Variants in GRXCR1 observed in about 807,000 individuals in gnomAD.
GRXCR1 encodes the protein glutaredoxin domain-containing cysteine-rich protein 1.
Under a neutral mutation model 27.3 loss-of-function variants are expected in GRXCR1, and 27 were observed. The ratio of observed to expected loss-of-function variants is 0.99; its 90% CI spans 0.73 to 1.37. The LOEUF is 1.37. Ranked by LOEUF, GRXCR1 falls within the 40% of genes most tolerant of loss-of-function variation. The pLI, the probability that GRXCR1 is intolerant of heterozygous loss-of-function variation, is 0.00. For missense variants in GRXCR1, 379 were observed against 354.4 expected (o/e 1.07, Z -0.56); for synonymous variants, 122 against 131.1 (o/e 0.93, Z 0.47).
chr4:43,021,977 T>C (rs1355098240), intron 3 of GRXCR1, among the ~76,000 whole-genome samples: 1 of 152,200 alleles, frequency 6.6e-6, no homozygotes, highest in Non-Finnish European at 1.5e-5. Context: ...GATTTCTTTA[T>C]CTATTAAATC....
chr4:42,934,621 T>C (rs1436075921), intron 1 of GRXCR1, among the ~76,000 whole-genome samples: 1 of 151,960 alleles, frequency 6.6e-6, no homozygotes, highest in Non-Finnish European at 1.5e-5. Context: ...TATCATGAAA[T>C]AGAGTGCTTT....
At chr4:42,900,871 G>A (rs543693983) in intron 1 of GRXCR1, among the ~76,000 whole-genome samples, 19 of 152,246 alleles carry the variant, frequency 1.2e-4, no homozygotes, top group African/African-American at 4.1e-4. Flanking sequence ...CTGCTCATGA[G>A]GGTCCCAGAA....
At chr4:42,947,514 A>G (rs1240439672) in intron 1 of GRXCR1, among the ~76,000 whole-genome samples, 2 of 152,190 alleles carry the variant, frequency 1.3e-5, no homozygotes, top group African/African-American at 4.8e-5. Context: ...ACTTCATTCA[A>G]TGATTGCTTT....
At position 42,962,753 on chromosome 4, in the gene GRXCR1, A is replaced by G. The variant is rs1247106321; in HGVS notation, c.385-139A>G. ...TCCCAATTACAGATGTTGTAACTTA[A>G]AAAGGTAAGTCTTTGAATTGACAAA... is the stretch of plus-strand genomic sequence containing the variant. On this transcript the variant is annotated intron_variant, in intron 1 of 3. Coordinates refer to ENST00000399770, the MANE Select transcript of GRXCR1 (RefSeq NM_001080476.3). 14 of 888,270 alleles carry G rather than the reference A, an allele frequency of 1.6e-5. No individual in the cohort carries two copies. In the East Asian group the frequency reaches 3.2e-4, roughly 20 times the overall value. The allele number at this position is 888,270 out of a possible 1,614,324, so 55.0% of individuals were successfully genotyped here. A position where few individuals can be genotyped will look rare whatever the true frequency, so the allele number is the denominator to read the frequency against.
intron 1 of GRXCR1, among the ~76,000 whole-genome samples, chr4:42,931,748 C>A (rs1747315284): frequency 1.3e-5 from 2 of 151,930 alleles, no homozygotes; most frequent in African/African-American, 4.8e-5. Context: ...CATGTAAAAC[C>A]TATTCCCTTA....
intron 1 of GRXCR1, among the ~76,000 whole-genome samples, chr4:42,953,896 T>C (rs1052703526): frequency 2.6e-5 from 4 of 152,014 alleles, no homozygotes; most frequent in Non-Finnish European, 5.9e-5. Flanking sequence ...CATTCAAACC[T>C]CACAAATCCC....
At chr4:42,992,131 A>T (rs888593301) in intron 2 of GRXCR1, among the ~76,000 whole-genome samples, 8 of 152,112 alleles carry the variant, frequency 5.3e-5, no homozygotes, top group African/African-American at 1.9e-4. Context: ...TGGGAAATCT[A>T]GTGGTGATGG....
At chr4:42,942,572 C>A (rs1747648965) in intron 1 of GRXCR1, among the ~76,000 whole-genome samples, 1 of 152,070 alleles carries the variant, frequency 6.6e-6, no homozygotes, top group African/African-American at 2.4e-5. Context: ...ATGGTGAAAA[C>A]ACTGCAAGCC....
chr4:42,990,346 T>C (rs1012021953), intron 2 of GRXCR1, among the ~76,000 whole-genome samples: 3 of 150,332 alleles, frequency 2.0e-5, no homozygotes, highest in East Asian at 2.0e-4. Context: ...CGCCCGCCAC[T>C]ACGCCCGGCT....
intron 3 of GRXCR1, among the ~76,000 whole-genome samples, chr4:43,028,712 T>A (rs1308563137): frequency 1.3e-5 from 2 of 152,314 alleles, no homozygotes; most frequent in East Asian, 3.9e-4. Context: ...TTACTCAAAG[T>A]TTTTCTTTTT....
At position 42,980,961 on chromosome 4, in the gene GRXCR1, T is replaced by G. The variant is rs575623756; in HGVS notation, c.627+17827T>G. Among the ~76,000 whole-genome samples the G allele has an allele frequency of 2.7e-4, 36 of 132,252 alleles. No individual in the cohort carries two copies. In the South Asian group the frequency reaches 5.4e-3, roughly 20 times the overall value. The allele number at this position is 132,252 out of a possible 152,430, so 86.8% of individuals were successfully genotyped here. On this transcript the variant is annotated intron_variant, in intron 2 of 3. Coordinates refer to ENST00000399770, the MANE Select transcript of GRXCR1 (RefSeq NM_001080476.3). ...TTGGTTGGATCTTGTTTTTTTTGTG[T>G]TTTTTTTTTGTATCCATTCAGCTAC...
chr4:42,943,566 G>T (rs1265089313), intron 1 of GRXCR1, among the ~76,000 whole-genome samples: 1 of 152,022 alleles, frequency 6.6e-6, no homozygotes, highest in African/African-American at 2.4e-5. Flanking sequence ...TTAGGTTAAG[G>T]TAACAGGCAG....
intron 1 of GRXCR1, among the ~76,000 whole-genome samples, chr4:42,946,532 C>T (rs968467194): frequency 2.0e-5 from 3 of 152,130 alleles, no homozygotes; most frequent in Non-Finnish European, 4.4e-5. Context: ...ATACCCTTGA[C>T]TGGGCAATTT....
chr4:42,978,824 C>G lies in GRXCR1; in HGVS notation c.627+15690C>G, dbSNP rs192346900. Among the ~76,000 whole-genome samples the G allele has an allele frequency of 4.5e-3, 678 of 151,092 alleles. 2 individuals are homozygous for G. Among genetic ancestry groups the G allele is most frequent in the African/African-American group, 0.016 (637 of 40,910 alleles). On this transcript the variant is annotated intron_variant, in intron 2 of 3. Coordinates refer to ENST00000399770, the MANE Select transcript of GRXCR1 (RefSeq NM_001080476.3). ...TTGTAAGCCTCATAATCCCTATAATCCCCCTGGTCAAGAAAGAGACCAGGT... is the reference window on the plus strand; with the variant it reads ...TTGTAAGCCTCATAATCCCTATAATGCCCCTGGTCAAGAAAGAGACCAGGT...
At chr4:42,972,628 C>T (rs532387833) in intron 2 of GRXCR1, among the ~76,000 whole-genome samples, 27 of 152,256 alleles carry the variant, frequency 1.8e-4, no homozygotes, top group African/African-American at 6.5e-4. Context: ...CATGCATTAT[C>T]TCTTACTTTT....
rs138520514 is a variant in GRXCR1, at chr4:43,014,677, A to G, written c.628-5677A>G. Among the ~76,000 whole-genome samples, 4 of 152,264 alleles carry G rather than the reference A, an allele frequency of 2.6e-5. No homozygotes were observed. The East Asian group carries it at 7.7e-4, about 29-fold the overall frequency. Reference sequence around the variant, plus strand: ...TATGTATCTGGCCTTTTACTGTCACATCACATCAGCTTGGTCCCTACCACT... The same window carrying G: ...TATGTATCTGGCCTTTTACTGTCACGTCACATCAGCTTGGTCCCTACCACT... On this transcript the variant is annotated intron_variant, in intron 2 of 3. Transcript: ENST00000399770.
chr4:42,899,512 T>C (rs1005408158), intron 1 of GRXCR1, among the ~76,000 whole-genome samples: 5 of 152,146 alleles, frequency 3.3e-5, no homozygotes, highest in Admixed American at 6.5e-5. Flanking sequence ...CTCAGGCCAA[T>C]GCTTATATTT....
In GRXCR1 at chr4:43,027,249, T is replaced by A. The variant is rs1713286631; in HGVS notation, c.694-3112T>A. ...TTAGTTCATTGAATCCTCTCAACAA[T>A]CCTTTGAATGAAAGAGAGATCTAAT... On this transcript the variant is annotated intron_variant, in intron 3 of 3. Coordinates refer to ENST00000399770, the MANE Select transcript of GRXCR1 (RefSeq NM_001080476.3). Among the ~76,000 whole-genome samples the A allele has an allele frequency of 2.0e-5, 3 of 152,202 alleles. No individual in the cohort carries two copies. The South Asian group carries it at 6.2e-4, about 31-fold the overall frequency.
At chr4:42,942,977 G>C (rs141973946) in intron 1 of GRXCR1, among the ~76,000 whole-genome samples, 1 of 152,034 alleles carries the variant, frequency 6.6e-6, no homozygotes, top group Non-Finnish European at 1.5e-5. Context: ...AGGAGAGAAG[G>C]GACGATGTTT....
Sources: allele counts gnomAD v4.1 joint callset (sites outside exome capture counted in the v4.1 genomes callset), GRCh38; gene constraint gnomAD v4.1.1; transcripts MANE v1.5; gene names NCBI Gene and HGNC (gene_info 2026-07-23, HGNC 2026-07-21).